The following GLUD1 variants were observed in gnomAD, a reference collection of about 807,000 sequenced individuals.
GLUD1 encodes the protein glutamate dehydrogenase 1.
In GLUD1, 22 loss-of-function variants were observed where a neutral mutation model predicts 56.0. That is an observed-to-expected ratio of 0.39 (90% CI 0.28 to 0.56). The LOEUF (loss-of-function observed/expected upper bound fraction) is 0.56. GLUD1 is among the 20% of genes least tolerant of loss of function. The pLI is 0.58. For synonymous variants in GLUD1, 223 were observed against 269.9 expected, an observed-to-expected ratio of 0.83 and a Z score of 1.70; for missense variants, 451 against 732.0, an observed-to-expected ratio of 0.62 and a Z score of 4.43.
At chr10:87,080,510 C>T (rs1395843498) in intron 1 of GLUD1, among the ~76,000 whole-genome samples, 2 of 151,918 alleles carry the variant, frequency 1.3e-5, no homozygotes, top group Admixed American at 6.6e-5. Context: ...TCTTCCCAGC[C>T]GCCATCCCAT....
chr10:87,063,762 T>C (rs1176555131), intron 5 of GLUD1, among the ~76,000 whole-genome samples: 1 of 152,222 alleles, frequency 6.6e-6, no homozygotes, highest in Non-Finnish European at 1.5e-5. Context: ...AAAAGGTATG[T>C]GTGGGTAAGA....
At chr10:87,061,684 T>C (rs1845936774) in intron 6 of GLUD1, among the ~76,000 whole-genome samples, 1 of 152,016 alleles carries the variant, frequency 6.6e-6, no homozygotes, top group Non-Finnish European at 1.5e-5. Flanking sequence ...TGGCACAATC[T>C]TGGCTCACTG....
intron 5 of GLUD1, among the ~76,000 whole-genome samples, chr10:87,066,691 C>T (rs1251319929): frequency 1.3e-5 from 2 of 152,196 alleles, no homozygotes; most frequent in African/African-American, 4.8e-5. Context: ...CTGGATGGGC[C>T]TGTGATTCTT....
chr10:87,094,728 G>A lies in GLUD1; in HGVS notation c.42C>T (p.Ala14=), dbSNP rs1217328744. 33 of 1,518,180 alleles carry A rather than the reference G, an allele frequency of 2.2e-5. No individual in the cohort carries two copies. The highest frequency in any genetic ancestry group is 2.8e-5 in the East Asian group (1 of 35,200). 94.0% of individuals were successfully genotyped at this position (1,518,180 alleles called of 1,614,324 possible). Residue 14 remains alanine (A), a synonymous_variant, in exon 1 of 13, where the codon GCC becomes GCT. Coordinates refer to ENST00000277865, the MANE Select transcript of GLUD1 (RefSeq NM_005271.5). The surrounding 1 kb of genome is among the most constrained non-coding windows in gnomAD (Gnocchi z 6.6). ...ACGCCGAGCCCAGGGCAGCGGGCCCGGCCCGGGACAGCAACAGCGCTTCGC... is the reference window on the plus strand; with the variant it reads ...ACGCCGAGCCCAGGGCAGCGGGCCCAGCCCGGGACAGCAACAGCGCTTCGC... ...YLGEALLLSR[A]GPAALGSASA...
Position 87,059,242 on chromosome 10 carries a change from A to G in GLUD1, c.1310T>C (p.Val437Ala), listed in dbSNP as rs971143389. Residue 437 changes from valine to alanine, a missense_variant, in exon 10 of 13, where the codon GTA becomes GCA. Physicochemically the swap from Val to Ala is moderately conservative, Grantham distance 64. Transcript: ENST00000277865. ...ATTCTTCAGCCACTCAAAGTAAGAT[A>G]CTGTCACTCCTCCAGCATTCAAGTA... is the stretch of plus-strand genomic sequence containing the variant. The part of the protein sequence containing the change: ...DLYLNAGGVT[V>A]SYFEWLKNLN... 2 of 1,613,526 alleles carry G rather than the reference A, an allele frequency of 1.2e-6. No homozygotes were observed. Among genetic ancestry groups the G allele is most frequent in the African/African-American group, 2.7e-5 (2 of 74,926 alleles).
In GLUD1 at chr10:87,094,323, A is replaced by C. The variant is rs771843259; in HGVS notation, c.445+2T>G. The C allele has an allele frequency of 6.2e-7, 1 of 1,606,112 alleles. No homozygotes were observed. Among genetic ancestry groups the C allele is most frequent in the Non-Finnish European group, 8.5e-7 (1 of 1,177,346 alleles). On this transcript the variant is annotated splice_donor_variant, in intron 1 of 12. Coordinates refer to ENST00000277865, the MANE Select transcript of GLUD1 (RefSeq NM_005271.5). LOFTEE classifies it high-confidence loss of function. The surrounding 1 kb of genome is among the most constrained non-coding windows in gnomAD (Gnocchi z 6.6). ...GCGGGACGGGGCCCGGCCGACGCTC[A>C]CCTCCCTTGCAGGGCGTGCGGTGCT... is the stretch of plus-strand genomic sequence containing the variant.
rs1431217181 is a variant in GLUD1 at position 87,059,193 on chromosome 10, A to G, written c.1359T>C (p.Arg453=). 1 of 1,613,710 alleles carries G rather than the reference A, an allele frequency of 6.2e-7. No individual in the cohort carries two copies. The highest frequency in any genetic ancestry group is 8.5e-7 in the Non-Finnish European group (1 of 1,180,006). The stretch of plus-strand genomic sequence containing the variant: ...AATCCCTTTCATATTTGAAGGTCAA[A>G]CGGCCATAGCTGACATGATTTAGAT... ...LKNLNHVSYG[R]LTFKYERDSN... The change falls in exon 10 of 13, where the codon CGT becomes CGC. Residue 453 remains arginine (R), a synonymous_variant. Coordinates refer to ENST00000277865, the MANE Select transcript of GLUD1 (RefSeq NM_005271.5).
chr10:87,070,231 T>C (rs1255381357), intron 4 of GLUD1, among the ~76,000 whole-genome samples: 1 of 152,214 alleles, frequency 6.6e-6, no homozygotes, highest in Non-Finnish European at 1.5e-5. Context: ...GGCAGGAGGA[T>C]GGCTTGAGTC....
chr10:87,073,679 C>T (rs767649450), intron 4 of GLUD1, among the ~76,000 whole-genome samples: 3 of 120,964 alleles, frequency 2.5e-5, no homozygotes, highest in South Asian at 2.6e-4. Context: ...GGTGTAGTGG[C>T]GTGATCTTGG....
At chr10:87,070,293 A>G (rs759961660) in intron 4 of GLUD1, among the ~76,000 whole-genome samples, 3 of 151,894 alleles carry the variant, frequency 2.0e-5, no homozygotes, top group Non-Finnish European at 4.4e-5. Context: ...TCTTGATTAA[A>G]CAATACATTT....
chr10:87,094,668 C>T lies in GLUD1; in HGVS notation c.102G>A (p.Arg34=). 1 of 1,558,700 alleles carries T rather than the reference C, an allele frequency of 6.4e-7. No homozygotes were observed. The highest frequency in any genetic ancestry group is 8.7e-7 in the Non-Finnish European group (1 of 1,152,084). Residue 34 remains arginine (R), a synonymous_variant, in exon 1 of 13, where the codon CGG becomes CGA. Coordinates refer to ENST00000277865, the MANE Select transcript of GLUD1 (RefSeq NM_005271.5). This position sits in a 1 kb window ranked among gnomAD's most constrained non-coding sequence, Gnocchi z 6.6. ...GCTGCGGGGCGGCGGCGGGCTGTCC[C>T]CGGGCCCAGCCCAGCAACGCGGCCG... ...ADSAALLGWA[R]GQPAAAPQPG...
chr10:87,065,387 G>A (rs754132261), intron 5 of GLUD1, among the ~76,000 whole-genome samples: 9 of 151,984 alleles, frequency 5.9e-5, no homozygotes, highest in African/African-American at 1.7e-4. Flanking sequence ...GATTACAGGC[G>A]TGAGCCACTA....
chr10:87,073,542 C>T (rs1434831542), intron 4 of GLUD1, among the ~76,000 whole-genome samples: 4 of 151,242 alleles, frequency 2.6e-5, no homozygotes, highest in Non-Finnish European at 5.9e-5. Context: ...TTTAAGTAGA[C>T]CTTATTTTGT....
At chr10:87,080,213 T>TG (rs1479734005) in intron 1 of GLUD1, among the ~76,000 whole-genome samples, 3 of 151,998 alleles carry the variant, frequency 2.0e-5, no homozygotes, top group Non-Finnish European at 4.4e-5. Flanking sequence ...GTGCCAGGAT[T>TG]GCAGACGGTG....
At chr10:87,085,172 T>A (rs1748399252) in intron 1 of GLUD1, among the ~76,000 whole-genome samples, 1 of 151,912 alleles carries the variant, frequency 6.6e-6, no homozygotes, top group African/African-American at 2.4e-5. Flanking sequence ...GATGAAACCC[T>A]GTCTCTACTA....
chr10:87,062,596 T>G (rs1469681694), intron 6 of GLUD1, 60 bp downstream of exon 6: 9 of 1,210,724 alleles, frequency 7.4e-6, no homozygotes, highest in Non-Finnish European at 9.7e-6. Context: ...CTAAAAACAT[T>G]GAAAACTTTA....
chr10:87,055,387 G>C (rs1391665601), intron 11 of GLUD1, among the ~76,000 whole-genome samples: 2 of 152,116 alleles, frequency 1.3e-5, no homozygotes, highest in African/African-American at 4.8e-5. Context: ...TGCCAAACAG[G>C]GGCAGGGGGA....
intron 1 of GLUD1, among the ~76,000 whole-genome samples, chr10:87,093,339 G>C (rs1012009218): frequency 6.6e-6 from 1 of 152,126 alleles, no homozygotes; most frequent in African/African-American, 2.4e-5. Context: ...CTTTTTTACA[G>C]TAGACAAAAG....
At chr10:87,065,272 C>CAAAAAA (rs59540767) in intron 5 of GLUD1, among the ~76,000 whole-genome samples, 1 of 60,796 alleles carries the variant, frequency 1.6e-5, no homozygotes, top group Non-Finnish European at 3.1e-5. Context: ...GACTCCGTCT[C>CAAAAAA]AAAAAAAAAA....
Sources: gnomAD v4.1 joint callset for allele counts (sites outside exome capture counted in the v4.1 genomes callset) on GRCh38, gnomAD v4.1.1 for gene constraint, Gnocchi (gnomAD v3.1) non-coding constraint, MANE v1.5 for transcripts, NCBI Gene and HGNC (gene_info 2026-07-23, HGNC 2026-07-21) for gene names.